MCU: variants seen among roughly 807,000 people sequenced by gnomAD.
MCU encodes calcium uniporter protein, mitochondrial.
In MCU, 12 loss-of-function variants were observed where a neutral mutation model predicts 45.2. That is an observed-to-expected ratio of 0.27 (90% CI 0.17 to 0.43). MCU has a LOEUF of 0.43. MCU is among the 20% of genes least tolerant of loss of function. The pLI is 1.00. For synonymous variants in MCU, 160 were observed against 165.1 expected (o/e 0.97, Z 0.24); for missense variants, 324 against 436.7 (o/e 0.74, Z 2.30).
intron 1 of MCU, among the ~76,000 whole-genome samples, chr10:72,791,685 G>A (rs1458625816): frequency 1.3e-5 from 2 of 152,080 alleles, no homozygotes. Flanking sequence ...AATCACCGGT[G>A]CAACTAATCT....
intron 1 of MCU, among the ~76,000 whole-genome samples, chr10:72,818,422 C>G (rs2132812196): frequency 6.6e-6 from 1 of 152,292 alleles, no homozygotes; most frequent in East Asian, 1.9e-4. Flanking sequence ...AACTTGAACT[C>G]TTTTACCATA....
At chr10:72,806,317 C>A (rs924830718) in intron 1 of MCU, among the ~76,000 whole-genome samples, 6 of 152,094 alleles carry the variant, frequency 3.9e-5, no homozygotes, top group Non-Finnish European at 8.8e-5. Context: ...ACCACCACAC[C>A]TGGTTAATTT....
chr10:72,723,644 A>T (rs1843053842), intron 1 of MCU, among the ~76,000 whole-genome samples: 1 of 152,210 alleles, frequency 6.6e-6, no homozygotes, highest in South Asian at 2.1e-4. Flanking sequence ...GCTCAGCATT[A>T]TACCAAATAT....
chr10:72,711,462 C>A (rs962249346), intron 1 of MCU, among the ~76,000 whole-genome samples: 2 of 151,242 alleles, frequency 1.3e-5, no homozygotes, highest in Non-Finnish European at 2.9e-5. Context: ...CTCAAGTGAT[C>A]TGCCTGCCTC....
At chr10:72,819,954 G>A (rs1417156748) in intron 1 of MCU, among the ~76,000 whole-genome samples, 1 of 151,922 alleles carries the variant, frequency 6.6e-6, no homozygotes, top group Admixed American at 6.6e-5. Flanking sequence ...TTTTCTGCCT[G>A]CCTCAATGGA....
intron 3 of MCU, 64 bp downstream of exon 3, chr10:72,859,411 A>G (rs776870440): frequency 1.8e-4 from 257 of 1,418,528 alleles, no homozygotes; most frequent in Non-Finnish European, 2.4e-4. Flanking sequence ...ATTTCTAGAC[A>G]CATACATACA....
intron 1 of MCU, among the ~76,000 whole-genome samples, chr10:72,715,652 C>G (rs1235581702): frequency 6.6e-6 from 1 of 152,174 alleles, no homozygotes; most frequent in African/African-American, 2.4e-5. Flanking sequence ...TGGCATTTAT[C>G]TTAATTAATT....
At chr10:72,844,642 A>G (rs1845094341) in intron 2 of MCU, among the ~76,000 whole-genome samples, 2 of 152,326 alleles carry the variant, frequency 1.3e-5, no homozygotes, top group East Asian at 3.9e-4. Flanking sequence ...TATTGTCACC[A>G]AAGTAGATAG....
chr10:72,810,361 A>G (rs1026368908), intron 1 of MCU, among the ~76,000 whole-genome samples: 2 of 152,002 alleles, frequency 1.3e-5, no homozygotes, highest in Admixed American at 1.3e-4. Context: ...GTTCTGAACA[A>G]CTTCTGTAGG....
At chr10:72,780,151 A>G (rs779269316) in intron 1 of MCU, among the ~76,000 whole-genome samples, 1 of 152,210 alleles carries the variant, frequency 6.6e-6, no homozygotes, top group East Asian at 1.9e-4. Context: ...CCTTGAAAAT[A>G]TGGTAAATGA....
chr10:72,880,543 G>A (rs895105402), intron 6 of MCU, among the ~76,000 whole-genome samples: 2 of 152,066 alleles, frequency 1.3e-5, no homozygotes, highest in Non-Finnish European at 2.9e-5. Context: ...AAAAATGTCA[G>A]TTCTACTCAA....
chr10:72,860,561 G>A (rs757848417), intron 4 of MCU, 34 bp downstream of exon 4: 4 of 1,512,270 alleles, frequency 2.6e-6, no homozygotes, highest in African/African-American at 2.8e-5. Flanking sequence ...TCACAGAAAT[G>A]TGGGAAGGGC....
chr10:72,716,234 A>G (rs1163186753), intron 1 of MCU, among the ~76,000 whole-genome samples: 1 of 152,210 alleles, frequency 6.6e-6, no homozygotes, highest in Admixed American at 6.5e-5. Flanking sequence ...AAGTTTGCCA[A>G]CTCCTACTAT....
At chr10:72,761,448 T>G (rs1399233703) in intron 1 of MCU, among the ~76,000 whole-genome samples, 1 of 152,172 alleles carries the variant, frequency 6.6e-6, no homozygotes, top group African/African-American at 2.4e-5. Flanking sequence ...AAAACGAAGT[T>G]ATCTTATGGC....
intron 1 of MCU, chr10:72,715,783 A>G (rs192868845): frequency 3.9e-6 from 3 of 763,358 alleles, no homozygotes; most frequent in East Asian, 1.3e-4. Flanking sequence ...AATTTTGCCT[A>G]TATAAATTAA....
At chr10:72,806,439 C>T (rs535302415) in intron 1 of MCU, among the ~76,000 whole-genome samples, 14 of 152,242 alleles carry the variant, frequency 9.2e-5, no homozygotes, top group African/African-American at 3.1e-4. Flanking sequence ...GAATTACAGG[C>T]GTGAGCCACC....
chr10:72,885,862 GT>G lies in MCU; in HGVS notation c.*43del. ...CTGAATCCTGGCAGAAGGAACACCT[GT>G]TTGCCTTTTTAATTAAAGCATTGCA... On this transcript the variant is annotated 3_prime_UTR_variant, in exon 8 of 8. Coordinates refer to ENST00000373053, the MANE Select transcript of MCU (RefSeq NM_138357.3). 1 of 1,546,540 alleles carries G rather than the reference GT, an allele frequency of 6.5e-7. No homozygotes were observed. Among genetic ancestry groups the G allele is most frequent in the South Asian group, 1.1e-5 (1 of 89,154 alleles).
At chr10:72,863,397 A>G (rs1845408410) in intron 4 of MCU, among the ~76,000 whole-genome samples, 1 of 152,240 alleles carries the variant, frequency 6.6e-6, no homozygotes, top group African/African-American at 2.4e-5. Context: ...TGCAGAGGCC[A>G]TATTCACTTT....
chr10:72,839,962 T>TAA (rs1845023378), intron 2 of MCU, among the ~76,000 whole-genome samples: 2 of 44,194 alleles, frequency 4.5e-5, no homozygotes, highest in Non-Finnish European at 4.0e-5. Flanking sequence ...AGACTCCGTC[T>TAA]CAAAAAAAAA....
Sources: allele counts gnomAD v4.1 joint callset (sites outside exome capture counted in the v4.1 genomes callset), GRCh38; gene constraint gnomAD v4.1.1; transcripts MANE v1.5; gene names NCBI Gene and HGNC (gene_info 2026-07-23, HGNC 2026-07-21).